Variants in GPC5 observed in about 807,000 individuals in gnomAD.
GPC5 encodes the protein glypican-5.
Under a neutral mutation model 53.9 loss-of-function variants are expected in GPC5, and 47 were observed. The observed-to-expected ratio is 0.87, with a 90% CI of 0.69 to 1.11. The LOEUF is 1.11. GPC5 is among the 50% of genes most tolerant of loss of function. The probability of loss-of-function intolerance (pLI) is 0.00; values close to 1 mark genes in which losing one functional copy is unlikely to be tolerated. For missense variants in GPC5, 748 were observed against 713.1 expected, an observed-to-expected ratio of 1.05 and a Z score of -0.56; for synonymous variants, 286 against 263.3, an observed-to-expected ratio of 1.09 and a Z score of -0.84.
intron 5 of GPC5, among the ~76,000 whole-genome samples, chr13:91,817,650 T>G (rs2138822420): frequency 6.6e-6 from 1 of 152,308 alleles, no homozygotes; most frequent in Non-Finnish European, 1.5e-5. Flanking sequence ...TGTTTTCTTC[T>G]TAAAGTGTCT....
chr13:92,692,125 G>T lies in GPC5; in HGVS notation c.1562-174157G>T, dbSNP rs531338830. Among the ~76,000 whole-genome samples the T allele has an allele frequency of 3.2e-4, 48 of 152,170 alleles. 1 individual carries two copies. In the South Asian group the frequency reaches 8.9e-3, roughly 28 times the overall value. Reference sequence around the variant, plus strand: ...TCCCACTTACAAATGAGAAATTACTGTATTTATCTATCTGTTTCTGAGTTA... The same window carrying T: ...TCCCACTTACAAATGAGAAATTACTTTATTTATCTATCTGTTTCTGAGTTA... On this transcript the variant is annotated intron_variant, in intron 7 of 7. Coordinates refer to ENST00000377067, the MANE Select transcript of GPC5 (RefSeq NM_004466.6).
chr13:92,066,315 T>TA (rs1191002833), intron 6 of GPC5, among the ~76,000 whole-genome samples: 1 of 151,952 alleles, frequency 6.6e-6, no homozygotes, highest in Non-Finnish European at 1.5e-5. Flanking sequence ...AAATGAATTT[T>TA]AGATGATGGA....
chr13:91,612,215 C>T lies in GPC5; in HGVS notation c.326-80972C>T, dbSNP rs557574400. On this transcript the variant is annotated intron_variant, in intron 2 of 7. Coordinates refer to ENST00000377067, the MANE Select transcript of GPC5 (RefSeq NM_004466.6). ...TTCTTGTAAGTGATAAGAATTTCCC[C>T]AGGTGACTGTGATAATATGAAGAAT... Among the ~76,000 whole-genome samples the T allele has an allele frequency of 8.5e-5, 13 of 152,270 alleles. No individual in the cohort carries two copies. The South Asian group carries it at 2.7e-3, about 32-fold the overall frequency.
chr13:91,559,675 G>A lies in GPC5; in HGVS notation c.325+110753G>A, dbSNP rs1055927642. Among the ~76,000 whole-genome samples, 5 of 152,094 alleles carry A rather than the reference G, an allele frequency of 3.3e-5. No individual in the cohort carries two copies. In the East Asian group the frequency reaches 5.8e-4, roughly 18 times the overall value. ...TCATTCTGAGCCTTCCTTACCACTTGAACAAAACTGCCTCCTCCTGTGTCT... is the reference window on the plus strand; with the variant it reads ...TCATTCTGAGCCTTCCTTACCACTTAAACAAAACTGCCTCCTCCTGTGTCT... On this transcript the variant is annotated intron_variant, in intron 2 of 7. Coordinates refer to ENST00000377067, the MANE Select transcript of GPC5 (RefSeq NM_004466.6).
At chr13:91,594,605 A>G (rs538057967) in intron 2 of GPC5, among the ~76,000 whole-genome samples, 7 of 129,922 alleles carry the variant, frequency 5.4e-5, no homozygotes, top group Non-Finnish European at 1.0e-4. Flanking sequence ...AGCAAACACT[A>G]TTGTTGTTTC....
intron 2 of GPC5, among the ~76,000 whole-genome samples, chr13:91,607,336 G>A (rs2033403260): frequency 6.6e-6 from 1 of 152,084 alleles, no homozygotes; most frequent in African/African-American, 2.4e-5. Context: ...AGAAGATTTG[G>A]GAATTTGATA....
At chr13:91,622,319 T>C (rs1248167496) in intron 2 of GPC5, among the ~76,000 whole-genome samples, 1 of 152,146 alleles carries the variant, frequency 6.6e-6, no homozygotes, top group Non-Finnish European at 1.5e-5. Context: ...TTCCATTATT[T>C]AACATTTTGT....
rs181581601 is a variant in GPC5, at chr13:92,445,431, C to T, written c.1561+300442C>T. 3.3e-3 allele frequency among the ~76,000 whole-genome samples: 500 copies of T among 150,858 alleles called. 1 individual carries two copies. The highest frequency in any genetic ancestry group is 0.012 in the African/African-American group (475 of 41,018). The stretch of plus-strand genomic sequence containing the variant: ...CTGCACCCATTAACTTGTCATTTAG[C>T]ATTAGGTATATCTCCTAAAGCTATC... On this transcript the variant is annotated intron_variant, in intron 7 of 7. Coordinates refer to ENST00000377067, the MANE Select transcript of GPC5 (RefSeq NM_004466.6).
chr13:92,517,914 A>G (rs911367590), intron 7 of GPC5, among the ~76,000 whole-genome samples: 1 of 152,218 alleles, frequency 6.6e-6, no homozygotes, highest in Non-Finnish European at 1.5e-5. Flanking sequence ...AATGCAAAGA[A>G]GTTAAAAACC....
intron 7 of GPC5, among the ~76,000 whole-genome samples, chr13:92,693,703 A>C (rs1469047968): frequency 6.6e-6 from 1 of 152,214 alleles, no homozygotes; most frequent in Non-Finnish European, 1.5e-5. Flanking sequence ...TTTATTTAAA[A>C]GGGAAGAGAG....
intron 6 of GPC5, chr13:92,060,078 T>G (rs888491692): frequency 1.3e-5 from 2 of 152,078 alleles, no homozygotes; most frequent in African/African-American, 4.8e-5. Context: ...TTATTAATAT[T>G]ATAAATACAT....
chr13:92,010,941 T>C (rs1229784200), intron 6 of GPC5, among the ~76,000 whole-genome samples: 5 of 152,202 alleles, frequency 3.3e-5, no homozygotes, highest in African/African-American at 1.2e-4. Context: ...ATTTCTTAAA[T>C]GATATTAGGA....
chr13:91,404,274 C>T (rs899817954), intron 1 of GPC5, among the ~76,000 whole-genome samples: 8 of 152,186 alleles, frequency 5.3e-5, no homozygotes, highest in African/African-American at 1.9e-4. Context: ...CTCAACTAAA[C>T]AGACATAATT....
At chr13:92,115,993 G>A (rs538753225) in intron 6 of GPC5, among the ~76,000 whole-genome samples, 512 of 152,266 alleles carry the variant, frequency 3.4e-3, no homozygotes, top group Non-Finnish European at 3.9e-3. Flanking sequence ...GCTCACGCCT[G>A]TAATCCTAGC....
At chr13:92,141,643 T>C (rs1369909716) in intron 6 of GPC5, among the ~76,000 whole-genome samples, 2 of 152,144 alleles carry the variant, frequency 1.3e-5, no homozygotes, top group Admixed American at 6.6e-5. Flanking sequence ...TTACTACACA[T>C]GTAGCAGCTC....
chr13:92,037,354 A>G (rs1412543358), intron 6 of GPC5, among the ~76,000 whole-genome samples: 2 of 152,146 alleles, frequency 1.3e-5, no homozygotes, highest in Non-Finnish European at 2.9e-5. Context: ...TCCCTCAGCT[A>G]TTCAGGAGAC....
chr13:92,591,904 T>C (rs535362926), intron 7 of GPC5, among the ~76,000 whole-genome samples: 1 of 152,236 alleles, frequency 6.6e-6, no homozygotes, highest in East Asian at 1.9e-4. Context: ...CGTTAATAAA[T>C]GTGAGCACCT....
At chr13:92,118,878 G>A (rs1205880707) in intron 6 of GPC5, among the ~76,000 whole-genome samples, 1 of 152,174 alleles carries the variant, frequency 6.6e-6, no homozygotes, top group Non-Finnish European at 1.5e-5. Context: ...TGAATAACAA[G>A]TTGGACCTGT....
At chr13:92,303,118 G>A (rs1887156) in intron 7 of GPC5, among the ~76,000 whole-genome samples, 63,288 of 151,384 alleles carry the variant, frequency 0.42, 14,863 homozygotes, top group African/African-American at 0.65. Context: ...CTTTTCTTAC[G>A]GCTTTGAAAT....
Sources: allele counts gnomAD v4.1 joint callset (sites outside exome capture counted in the v4.1 genomes callset), GRCh38; gene constraint gnomAD v4.1.1; transcripts MANE v1.5; gene names NCBI Gene and HGNC (gene_info 2026-07-23, HGNC 2026-07-21).